Variants in ZNF516 observed in about 807,000 individuals in gnomAD.
The protein encoded by ZNF516 is zinc finger protein 516.
ZNF516 carries 19 observed loss-of-function variants against 79.7 expected under a neutral mutation model. That is an observed-to-expected ratio of 0.24 (90% CI 0.17 to 0.35). ZNF516 has a LOEUF of 0.35. ZNF516 is among the 10% of genes least tolerant of loss of function. The pLI, the probability that ZNF516 is intolerant of heterozygous loss-of-function variation, is 1.00. For missense variants in ZNF516, 1,678 were observed against 1,679.5 expected (o/e 1.00, Z 0.02); for synonymous variants, 877 against 739.5 (o/e 1.19, Z -3.02).
chr18:76,435,962 C>T (rs931236155), intron 3 of ZNF516, among the ~76,000 whole-genome samples: 1 of 152,246 alleles, frequency 6.6e-6, no homozygotes, highest in African/African-American at 2.4e-5. Flanking sequence ...GGCCACATGG[C>T]GGACAGTAGC....
At chr18:76,398,834 T>C (rs1568259298) in intron 3 of ZNF516, among the ~76,000 whole-genome samples, 1 of 152,210 alleles carries the variant, frequency 6.6e-6, no homozygotes, top group South Asian at 2.1e-4. Context: ...CTACAACTTT[T>C]TCTATTGCGA....
chr18:76,492,274 G>T, intron 1 of ZNF516: 1 of 985,456 alleles, frequency 1.0e-6, no homozygotes, highest in Non-Finnish European at 1.2e-6. Context: ...GCTTCCCGAG[G>T]TGCGTACTAC....
intron 3 of ZNF516, among the ~76,000 whole-genome samples, chr18:76,433,196 C>T (rs2075684793): frequency 6.6e-6 from 1 of 152,204 alleles, no homozygotes; most frequent in Non-Finnish European, 1.5e-5. Context: ...AGAGTCTAGA[C>T]ATCCAGTAAA....
intron 3 of ZNF516, among the ~76,000 whole-genome samples, chr18:76,436,683 C>T (rs1196895385): frequency 6.6e-6 from 1 of 152,068 alleles, no homozygotes; most frequent in African/African-American, 2.4e-5. Context: ...CAGGCTTGGC[C>T]GCACAGGCAG....
chr18:76,401,820 AC>A (rs1234415105), intron 3 of ZNF516, among the ~76,000 whole-genome samples: 1 of 136,996 alleles, frequency 7.3e-6, no homozygotes. Flanking sequence ...CACCAACCAC[AC>A]CCCCGCGCTC....
intron 2 of ZNF516, among the ~76,000 whole-genome samples, chr18:76,445,256 C>T (rs577847183): frequency 2.0e-5 from 2 of 99,486 alleles, no homozygotes; most frequent in African/African-American, 7.0e-5. Flanking sequence ...GACTCCATCT[C>T]CAAAAAAAAA....
chr18:76,362,540 G>A lies in ZNF516; in HGVS notation c.3450C>T (p.Asn1150=). The A allele has an allele frequency of 6.2e-7, 1 of 1,612,790 alleles. No individual in the cohort carries two copies. Among genetic ancestry groups the A allele is most frequent in the Non-Finnish European group, 8.5e-7 (1 of 1,178,882 alleles). Residue 1150 remains asparagine, a synonymous_variant, in exon 7 of 7, where the codon AAC becomes AAT. Coordinates refer to ENST00000443185, the MANE Select transcript of ZNF516 (RefSeq NM_014643.4). ...DAPKQGRDHS[N]TGTVQTVPLR... ...GAGGCACTGTCTGGACGGTACCTGT[G>A]TTAGAATGGTCTCTCCCCTGGGTGA...
In ZNF516 at chr18:76,441,397, C is replaced by T. The variant is rs750858645; in HGVS notation, c.1658G>A (p.Arg553Gln). Reference sequence around the variant, plus strand: ...CTCACTGAGTGATCCGCAGCGGGCCCGCGCCGCCCTGTCCCCGTCACTGTC... The same window carrying T: ...CTCACTGAGTGATCCGCAGCGGGCCTGCGCCGCCCTGTCCCCGTCACTGTC... ...ERDSDGDRAA[R>Q]ARCGSLSEGD... The change falls in exon 3 of 7, where the codon CGG becomes CAG. Residue 553 changes from arginine (R) to glutamine (Q), a missense_variant. Coordinates refer to ENST00000443185, the MANE Select transcript of ZNF516 (RefSeq NM_014643.4). 3.9e-5 allele frequency: 62 copies of T among 1,609,112 alleles called. No individual in the cohort carries two copies. Among genetic ancestry groups the T allele is most frequent in the Non-Finnish European group, 5.1e-5 (60 of 1,178,520 alleles).
intron 3 of ZNF516, among the ~76,000 whole-genome samples, chr18:76,416,279 G>A (rs544921059): frequency 4.6e-5 from 7 of 152,296 alleles, no homozygotes; most frequent in South Asian, 4.1e-4. Context: ...TTTTCGTATC[G>A]CACACCAGGA....
chr18:76,491,612 C>T (rs1466981271), intron 1 of ZNF516: 6 of 366,642 alleles, frequency 1.6e-5, no homozygotes, highest in African/African-American at 1.4e-4. Context: ...GCTTCTCCGC[C>T]CCTTCCCGCC....
intron 1 of ZNF516, among the ~76,000 whole-genome samples, chr18:76,463,611 T>C (rs571482947): frequency 2.6e-5 from 4 of 152,286 alleles, no homozygotes; most frequent in Admixed American, 2.0e-4. Flanking sequence ...GATGGGTCTG[T>C]GGGGCGCCAC....
chr18:76,478,451 G>A (rs963423457), intron 1 of ZNF516, among the ~76,000 whole-genome samples: 5 of 152,018 alleles, frequency 3.3e-5, no homozygotes, highest in African/African-American at 9.7e-5. Flanking sequence ...AAGGTTTAAG[G>A]TTTAATATAC....
intron 2 of ZNF516, among the ~76,000 whole-genome samples, chr18:76,456,675 G>A (rs1289288266): frequency 7.8e-6 from 1 of 127,922 alleles, no homozygotes; most frequent in African/African-American, 2.9e-5. Context: ...CGCAGGTCGA[G>A]ACTCTGCTGC....
At chr18:76,400,958 T>C (rs2075210769) in intron 3 of ZNF516, among the ~76,000 whole-genome samples, 1 of 152,220 alleles carries the variant, frequency 6.6e-6, no homozygotes, top group Non-Finnish European at 1.5e-5. Context: ...TCCATTAAAA[T>C]GATGTAAACA....
At chr18:76,381,019 G>T (rs764298823) in intron 3 of ZNF516, among the ~76,000 whole-genome samples, 23 of 152,198 alleles carry the variant, frequency 1.5e-4, no homozygotes, top group Non-Finnish European at 2.9e-4. Flanking sequence ...CCGGGGTTCC[G>T]CCCCTCAAGC....
intron 3 of ZNF516, among the ~76,000 whole-genome samples, chr18:76,417,738 T>C (rs778985399): frequency 4.6e-5 from 7 of 152,208 alleles, no homozygotes; most frequent in Non-Finnish European, 1.0e-4. Context: ...TACAAATATA[T>C]GTATCATTTC....
In ZNF516 at chr18:76,441,636, C is replaced by A; in HGVS notation, c.1419G>T (p.Ala473=). The A allele has an allele frequency of 6.5e-7, 1 of 1,527,826 alleles. No homozygotes were observed. Among genetic ancestry groups the A allele is most frequent in the Middle Eastern group, 1.7e-4 (1 of 5,822 alleles). 94.6% of individuals were successfully genotyped at this position (1,527,826 alleles called of 1,614,324 possible). A position where few individuals can be genotyped will look rare whatever the true frequency, so the allele number is the denominator to read the frequency against. ...TCGCGCGCTTCCGCGGGGGCCCCTG[C>A]GCGGCTGGTGCATCCTGCTCACGCT... ...KRKREQDAPA[A]QGPPRKRASG... Residue 473 remains alanine, a synonymous_variant, in exon 3 of 7, where the codon GCG becomes GCT. Coordinates refer to ENST00000443185, the MANE Select transcript of ZNF516 (RefSeq NM_014643.4).
chr18:76,491,309 C>T (rs1231075509), intron 1 of ZNF516, among the ~76,000 whole-genome samples: 5 of 125,842 alleles, frequency 4.0e-5, no homozygotes, highest in African/African-American at 1.2e-4. Flanking sequence ...CCTCCACAGC[C>T]CCATCCGCTC....
chr18:76,385,129 G>T (rs1007609198), intron 3 of ZNF516, among the ~76,000 whole-genome samples: 1 of 152,238 alleles, frequency 6.6e-6, no homozygotes, highest in Non-Finnish European at 1.5e-5. Context: ...GTGCACACGC[G>T]TGCCACAGAC....
Sources: allele counts gnomAD v4.1 joint callset (sites outside exome capture counted in the v4.1 genomes callset), GRCh38; gene constraint gnomAD v4.1.1; transcripts MANE v1.5; gene names NCBI Gene and HGNC (gene_info 2026-07-23, HGNC 2026-07-21).